The following MDGA2 variants were observed in gnomAD, a reference collection of about 807,000 sequenced individuals.
MDGA2 encodes the protein MAM domain containing glycosylphosphatidylinositol anchor 2.
A neutral mutation model predicts 117.8 loss-of-function variants in MDGA2; 40 were observed. The ratio of observed to expected loss-of-function variants is 0.34; its 90% CI spans 0.26 to 0.44. MDGA2 has a LOEUF of 0.44. Ranked by LOEUF, MDGA2 falls within the 20% of genes least tolerant of loss-of-function variation. The pLI is 1.00. For synonymous variants in MDGA2, 452 were observed against 439.0 expected (o/e 1.03, Z -0.37); for missense variants, 1,123 against 1,250.6 (o/e 0.90, Z 1.54).
intron 1 of MDGA2, among the ~76,000 whole-genome samples, chr14:47,542,905 T>C (rs944389202): frequency 3.3e-5 from 5 of 152,188 alleles, no homozygotes; most frequent in Non-Finnish European, 7.3e-5. Context: ...AGACACTGTG[T>C]TGAATTAGAA....
chr14:47,120,909 G>A (rs1881616809), intron 5 of MDGA2, among the ~76,000 whole-genome samples: 1 of 152,178 alleles, frequency 6.6e-6, no homozygotes, highest in African/African-American at 2.4e-5. Flanking sequence ...ATGCCGAGTT[G>A]TGGTACACAT....
intron 4 of MDGA2, among the ~76,000 whole-genome samples, chr14:47,132,175 T>G (rs988308784): frequency 5.3e-5 from 8 of 151,938 alleles, no homozygotes; most frequent in African/African-American, 1.9e-4. Flanking sequence ...CAAATTATTA[T>G]GCAAAGATCA....
At chr14:47,299,741 A>C (rs1266306855) in intron 2 of MDGA2, among the ~76,000 whole-genome samples, 1 of 152,074 alleles carries the variant, frequency 6.6e-6, no homozygotes, top group African/African-American at 2.4e-5. Context: ...ATCAGTCATC[A>C]GTCTGTCCTT....
chr14:47,419,213 A>G (rs1223222415), intron 1 of MDGA2, among the ~76,000 whole-genome samples: 1 of 152,210 alleles, frequency 6.6e-6, no homozygotes, highest in Non-Finnish European at 1.5e-5. Context: ...GGAGGATTAT[A>G]GACTGAAGTG....
chr14:47,667,357 T>C (rs1017668063), intron 1 of MDGA2, among the ~76,000 whole-genome samples: 2 of 152,122 alleles, frequency 1.3e-5, no homozygotes, highest in African/African-American at 2.4e-5. Context: ...GCTCCAATGA[T>C]CAATCTGTAC....
intron 1 of MDGA2, among the ~76,000 whole-genome samples, chr14:47,322,293 A>G (rs1222829881): frequency 6.6e-6 from 1 of 152,200 alleles, no homozygotes; most frequent in Admixed American, 6.6e-5. Context: ...CATATAAAAT[A>G]ACATTTTCTC....
chr14:47,476,082 A>G (rs1893829983), intron 1 of MDGA2, among the ~76,000 whole-genome samples: 1 of 152,362 alleles, frequency 6.6e-6, no homozygotes, highest in East Asian at 1.9e-4. Flanking sequence ...AACAAATTTT[A>G]ATAGCTAAAA....
chr14:47,369,565 C>A (rs1444264741), intron 1 of MDGA2, among the ~76,000 whole-genome samples: 3 of 152,028 alleles, frequency 2.0e-5, no homozygotes, highest in Non-Finnish European at 4.4e-5. Context: ...CAGCCATCTC[C>A]CCGGTCCCGA....
At chr14:47,552,720 T>A (rs1032969192) in intron 1 of MDGA2, among the ~76,000 whole-genome samples, 10 of 152,196 alleles carry the variant, frequency 6.6e-5, no homozygotes, top group African/African-American at 2.4e-4. Flanking sequence ...AACCCACCAA[T>A]GGCTTTTTAA....
chr14:46,926,255 G>C (rs1884327233), intron 9 of MDGA2, among the ~76,000 whole-genome samples: 1 of 151,970 alleles, frequency 6.6e-6, no homozygotes, highest in Non-Finnish European at 1.5e-5. Context: ...CAAATAATTG[G>C]ATAGGAACCA....
At chr14:46,971,326 AT>A (rs1173643181) in intron 8 of MDGA2, among the ~76,000 whole-genome samples, 1 of 152,176 alleles carries the variant, frequency 6.6e-6, no homozygotes, top group Non-Finnish European at 1.5e-5. Flanking sequence ...GTGTCCACCA[AT>A]GGATGAATGG....
At chr14:47,577,092 C>T (rs945406616) in intron 1 of MDGA2, among the ~76,000 whole-genome samples, 14 of 152,100 alleles carry the variant, frequency 9.2e-5, no homozygotes, top group Non-Finnish European at 1.8e-4. Flanking sequence ...AATCATGTTA[C>T]TGTGCATATT....
chr14:47,158,312 C>G (rs1484927866), intron 3 of MDGA2, among the ~76,000 whole-genome samples: 1 of 151,160 alleles, frequency 6.6e-6, no homozygotes, highest in African/African-American at 2.4e-5. Flanking sequence ...AATGTTCATA[C>G]AATAATGAAA....
chr14:47,435,000 G>A (rs1892869414), intron 1 of MDGA2, among the ~76,000 whole-genome samples: 1 of 152,038 alleles, frequency 6.6e-6, no homozygotes, highest in Non-Finnish European at 1.5e-5. Context: ...GCCAGGTGTG[G>A]TAGTGCATGC....
At chr14:47,228,041 CA>C (rs1886567533) in intron 2 of MDGA2, among the ~76,000 whole-genome samples, 1 of 152,124 alleles carries the variant, frequency 6.6e-6, no homozygotes, top group East Asian at 1.9e-4. Context: ...CCAACTCTCC[CA>C]GTCTTTCCCA....
chr14:47,405,980 A>G (rs1892252621), intron 1 of MDGA2, among the ~76,000 whole-genome samples: 1 of 152,174 alleles, frequency 6.6e-6, no homozygotes, highest in Non-Finnish European at 1.5e-5. Flanking sequence ...CATTTTCAGT[A>G]TAACTAAAAT....
In MDGA2 at chr14:47,205,814, C is replaced by G. The variant is rs533016321; in HGVS notation, c.595+12207G>C. Among the ~76,000 whole-genome samples the G allele has an allele frequency of 3.2e-3, 493 of 152,138 alleles. 5 individuals are homozygous for G. Among genetic ancestry groups the G allele is most frequent in the Middle Eastern group, 6.8e-3 (2 of 292 alleles). ...AGCTACTACAACAATTATCTTAACT[C>G]TGCTATGCTGGATTCTACTCTCCCT... On this transcript the variant is annotated intron_variant, in intron 3 of 16. Coordinates refer to ENST00000399232, the MANE Select transcript of MDGA2 (RefSeq NM_001113498.3).
intron 1 of MDGA2, among the ~76,000 whole-genome samples, chr14:47,549,388 T>C (rs532949493): frequency 7.1e-6 from 1 of 139,902 alleles, no homozygotes; most frequent in East Asian, 2.3e-4. Context: ...ACAGTTTTTT[T>C]TGGAGGTCCT....
chr14:46,918,746 T>TACATACAG (rs539968164), intron 10 of MDGA2, among the ~76,000 whole-genome samples: 17,003 of 147,134 alleles, frequency 0.12, 2,198 homozygotes, highest in African/African-American at 0.32. Flanking sequence ...AAGAATATGC[T>TACATACAG]ACATACAGTG....
Sources: allele counts gnomAD v4.1 joint callset (sites outside exome capture counted in the v4.1 genomes callset), GRCh38; gene constraint gnomAD v4.1.1; transcripts MANE v1.5; gene names NCBI Gene and HGNC (gene_info 2026-07-23, HGNC 2026-07-21).